The following PTN variants were observed in gnomAD, a reference collection of about 807,000 sequenced individuals.
PTN encodes pleiotrophin.
In PTN, 18 loss-of-function variants were observed where a neutral mutation model predicts 24.1. The ratio of observed to expected loss-of-function variants is 0.75; its 90% CI spans 0.52 to 1.11. PTN has a LOEUF of 1.11. PTN is among the 50% of genes least tolerant of loss of function. The probability of loss-of-function intolerance (pLI) is 0.00; values close to 1 mark genes in which losing one functional copy is unlikely to be tolerated. For synonymous variants in PTN, 78 were observed against 68.6 expected (o/e 1.14, Z -0.67); for missense variants, 163 against 198.8 (o/e 0.82, Z 1.08).
chr7:137,334,734 A>G (rs1390492415), intron 1 of PTN, among the ~76,000 whole-genome samples: 4 of 150,752 alleles, frequency 2.7e-5, no homozygotes, highest in Non-Finnish European at 5.9e-5. Flanking sequence ...CTATAAAGAC[A>G]CATGCACATG....
chr7:137,336,940 A>G (rs1045012838), intron 1 of PTN, among the ~76,000 whole-genome samples: 1 of 152,214 alleles, frequency 6.6e-6, no homozygotes, highest in Non-Finnish European at 1.5e-5. Flanking sequence ...AAGAAAGACC[A>G]CAATATTTGC....
chr7:137,251,551 T>C (rs1350496021), intron 3 of PTN, among the ~76,000 whole-genome samples, 160 bp from the exon 4 acceptor site: 1 of 152,246 alleles, frequency 6.6e-6, no homozygotes, highest in Non-Finnish European at 1.5e-5. Context: ...TGTATTGATT[T>C]CTGTTCAATT....
chr7:137,275,163 C>A (rs1472046114), intron 1 of PTN, among the ~76,000 whole-genome samples: 1 of 152,158 alleles, frequency 6.6e-6, no homozygotes, highest in Admixed American at 6.5e-5. Context: ...ACATCAGAGG[C>A]AGCTTTGCAC....
At chr7:137,333,328 C>T (rs755371686) in intron 1 of PTN, among the ~76,000 whole-genome samples, 1 of 152,210 alleles carries the variant, frequency 6.6e-6, no homozygotes, top group Admixed American at 6.5e-5. Flanking sequence ...ACACAGAACC[C>T]AGCCTCAGGT....
At chr7:137,339,054 A>G (rs1019068858) in intron 1 of PTN, among the ~76,000 whole-genome samples, 1 of 152,164 alleles carries the variant, frequency 6.6e-6, no homozygotes, top group Non-Finnish European at 1.5e-5. Context: ...CAAAACATGA[A>G]AAAAGGAGTG....
intron 1 of PTN, 111 bp downstream of exon 1, chr7:137,343,328 G>A (rs1810564337): frequency 2.7e-6 from 1 of 374,344 alleles, no homozygotes; most frequent in Non-Finnish European, 5.4e-6. Context: ...ACACCAGGCA[G>A]CCTCTCTCAC....
At chr7:137,330,375 C>A (rs757623610) in intron 1 of PTN, among the ~76,000 whole-genome samples, 3 of 151,998 alleles carry the variant, frequency 2.0e-5, no homozygotes, top group Admixed American at 6.6e-5. Flanking sequence ...AAGAGACATA[C>A]CCAACCTAAA....
At chr7:137,333,951 C>T (rs948998218) in intron 1 of PTN, among the ~76,000 whole-genome samples, 57 of 152,186 alleles carry the variant, frequency 3.7e-4, no homozygotes, top group African/African-American at 1.3e-3. Flanking sequence ...AAAGGATTCC[C>T]TATTTAATAA....
At chr7:137,316,884 C>T (rs1810081727) in intron 1 of PTN, among the ~76,000 whole-genome samples, 1 of 152,162 alleles carries the variant, frequency 6.6e-6, no homozygotes, top group Admixed American at 6.5e-5. Flanking sequence ...AAGGCAGTGG[C>T]GCCTGTGCCA....
chr7:137,273,597 G>A (rs560061589), intron 1 of PTN, among the ~76,000 whole-genome samples: 1 of 152,234 alleles, frequency 6.6e-6, no homozygotes, highest in African/African-American at 2.4e-5. Flanking sequence ...AATGAATGGA[G>A]GTGGCATTTA....
At chr7:137,284,862 TG>T (rs1359572520) in intron 1 of PTN, among the ~76,000 whole-genome samples, 1 of 152,186 alleles carries the variant, frequency 6.6e-6, no homozygotes, top group Non-Finnish European at 1.5e-5. Context: ...GGAATTACAT[TG>T]GTGAGCGAAT....
At chr7:137,264,560 A>G (rs953797800) in intron 1 of PTN, among the ~76,000 whole-genome samples, 4 of 152,072 alleles carry the variant, frequency 2.6e-5, no homozygotes, top group Non-Finnish European at 5.9e-5. Flanking sequence ...CAGTCTACTG[A>G]TGTTTAAGGA....
intron 1 of PTN, among the ~76,000 whole-genome samples, chr7:137,319,294 G>C (rs1333231334): frequency 1.3e-5 from 2 of 152,184 alleles, no homozygotes; most frequent in African/African-American, 4.8e-5. Flanking sequence ...GAGTCATAAA[G>C]ATAGAGCATT....
intron 4 of PTN, among the ~76,000 whole-genome samples, chr7:137,238,277 C>T (rs897353720): frequency 3.3e-5 from 5 of 152,072 alleles, no homozygotes; most frequent in Non-Finnish European, 7.4e-5. Flanking sequence ...AATGTCATAG[C>T]GGAGGGAAGA....
rs981171022 is a variant in PTN at position 137,263,105 on chromosome 7, T to A, written c.-1-8131A>T. On this transcript the variant is annotated intron_variant, in intron 1 of 4. Transcript: ENST00000348225. ...ATTGATAGTGATTCATATAGTACAC[T>A]TGTGCTGAAGCATTTTGGTGAATCA... Among the ~76,000 whole-genome samples the A allele has an allele frequency of 3.9e-5, 6 of 152,352 alleles. No individual in the cohort carries two copies. In the East Asian group the frequency reaches 1.2e-3, roughly 29 times the overall value.
chr7:137,254,291 AACT>A (rs1406472395), intron 2 of PTN, among the ~76,000 whole-genome samples: 2 of 145,968 alleles, frequency 1.4e-5, no homozygotes, highest in Non-Finnish European at 3.0e-5. Flanking sequence ...GCGAGACTCC[AACT>A]CAAAAAAAAA....
intron 4 of PTN, among the ~76,000 whole-genome samples, chr7:137,248,721 T>C (rs1178470587): frequency 1.3e-5 from 2 of 152,100 alleles, no homozygotes; most frequent in Non-Finnish European, 2.9e-5. Flanking sequence ...AGTGTCTCAG[T>C]GCCAAACAGC....
intron 1 of PTN, among the ~76,000 whole-genome samples, chr7:137,306,808 C>T (rs1425727714): frequency 6.6e-6 from 1 of 152,104 alleles, no homozygotes; most frequent in African/African-American, 2.4e-5. Context: ...AGATCACATT[C>T]ATGTTAGTAT....
chr7:137,318,657 T>C (rs322335), intron 1 of PTN: 132,535 of 152,170 alleles, frequency 0.87, 57,927 homozygotes, highest in Admixed American at 0.92. Flanking sequence ...TGATATGATC[T>C]TCCTTCCCCA....
Sources: allele counts gnomAD v4.1 joint callset (sites outside exome capture counted in the v4.1 genomes callset), GRCh38; gene constraint gnomAD v4.1.1; transcripts MANE v1.5; gene names NCBI Gene and HGNC (gene_info 2026-07-23, HGNC 2026-07-21).